Variants in CLSTN2 observed in about 807,000 individuals in gnomAD.
The protein encoded by CLSTN2 is calsyntenin 2, also known as calsyntenin-2.
In CLSTN2, 48 loss-of-function variants were observed where a neutral mutation model predicts 101.2. That is an observed-to-expected ratio of 0.47 (90% CI 0.38 to 0.60). The LOEUF (loss-of-function observed/expected upper bound fraction) is 0.60. CLSTN2 is among the 20% of genes least tolerant of loss of function. The probability of loss-of-function intolerance (pLI) is 0.00; values close to 1 mark genes in which losing one functional copy is unlikely to be tolerated. For missense variants in CLSTN2, 1,160 were observed against 1,238.2 expected (o/e 0.94, Z 0.95); for synonymous variants, 481 against 463.6 (o/e 1.04, Z -0.48).
At chr3:140,058,347 C>T (rs140053310) in intron 1 of CLSTN2, among the ~76,000 whole-genome samples, 1 of 152,178 alleles carries the variant, frequency 6.6e-6, no homozygotes, top group African/African-American at 2.4e-5. Context: ...TGATAGGTCA[C>T]CAGGATCTCA....
At chr3:140,005,545 A>G (rs2006937601) in intron 1 of CLSTN2, among the ~76,000 whole-genome samples, 1 of 152,158 alleles carries the variant, frequency 6.6e-6, no homozygotes, top group African/African-American at 2.4e-5. Flanking sequence ...GGCCTCAGTA[A>G]GCCTTTTACC....
chr3:140,565,278 A>C (rs1055042404), intron 16 of CLSTN2, among the ~76,000 whole-genome samples: 1 of 152,114 alleles, frequency 6.6e-6, no homozygotes, highest in Non-Finnish European at 1.5e-5. Flanking sequence ...GACCTTGAAG[A>C]GTGGGTAGGA....
rs1412210116 is a variant in CLSTN2, at chr3:140,558,810, T to C, written c.1994T>C (p.Val665Ala). The C allele has an allele frequency of 6.2e-7, 1 of 1,614,010 alleles. No homozygotes were observed. Among genetic ancestry groups the C allele is most frequent in the South Asian group, 1.1e-5 (1 of 91,078 alleles). ...GVTLFPDIKIVSTFAKTEAPG... is the reference protein window; with the variant it reads ...GVTLFPDIKIASTFAKTEAPG... ...ACCCTCTTCCCTGATATCAAGATTG[T>C]GAGCACCTTCGCCAAAACCGAAGCC... is the stretch of plus-strand genomic sequence containing the variant. Residue 665 changes from valine to alanine, a missense_variant, in exon 12 of 17, where the codon GTG becomes GCG. Coordinates refer to ENST00000458420, the MANE Select transcript of CLSTN2 (RefSeq NM_022131.3).
intron 2 of CLSTN2, among the ~76,000 whole-genome samples, chr3:140,326,218 C>T (rs1345319294): frequency 2.0e-5 from 3 of 152,176 alleles, no homozygotes; most frequent in Non-Finnish European, 4.4e-5. Context: ...TTTCCCCAAA[C>T]CATACTTTCC....
chr3:140,138,911 T>G (rs1191165157), intron 1 of CLSTN2, among the ~76,000 whole-genome samples: 1 of 152,204 alleles, frequency 6.6e-6, no homozygotes, highest in East Asian at 1.9e-4. Context: ...AGAAAGGCAG[T>G]GAAGTGCAGT....
rs138071294 is a variant in CLSTN2 at position 140,020,295 on chromosome 3, C to T, written c.109+84812C>T. On this transcript the variant is annotated intron_variant, in intron 1 of 16. Transcript: ENST00000458420. ...TGACTCTGTGAGAAGACCCTATGCT[C>T]AGGGGATGAAGTGTGTTGCTTGTGC... Among the ~76,000 whole-genome samples the T allele has an allele frequency of 1.0e-3, 157 of 152,286 alleles. 1 individual carries two copies. Among genetic ancestry groups the T allele is most frequent in the African/African-American group, 3.4e-3 (143 of 41,558 alleles).
rs1985488992 is a variant in CLSTN2 at position 140,570,360 on chromosome 3, T to A, written c.*4107T>A. ...CCTTGAACAATACAGTTTAACAGGA[T>A]TTACATAGCATTTACACTGTATTAG... On this transcript the variant is annotated 3_prime_UTR_variant, in exon 17 of 17. Transcript: ENST00000458420. The A allele has an allele frequency of 6.6e-6, 1 of 152,218 alleles. No homozygotes were observed. The highest frequency in any genetic ancestry group is 2.4e-5 in the African/African-American group (1 of 41,456). The allele number at this position is 152,218 out of a possible 1,614,324, so 9.4% of individuals were successfully genotyped here.
At chr3:140,313,124 G>A (rs1198347700) in intron 2 of CLSTN2, among the ~76,000 whole-genome samples, 1 of 152,156 alleles carries the variant, frequency 6.6e-6, no homozygotes, top group Non-Finnish European at 1.5e-5. Context: ...GACACTGCCT[G>A]TACTATCCAG....
chr3:140,316,439 C>T (rs1395353136), intron 2 of CLSTN2, among the ~76,000 whole-genome samples: 1 of 152,168 alleles, frequency 6.6e-6, no homozygotes, highest in Non-Finnish European at 1.5e-5. Context: ...TACAAGTAGG[C>T]ACCTGCTAAA....
At chr3:140,046,595 T>C (rs921320495) in intron 1 of CLSTN2, among the ~76,000 whole-genome samples, 6 of 152,184 alleles carry the variant, frequency 3.9e-5, no homozygotes, top group African/African-American at 1.4e-4. Context: ...GTTGATGCAG[T>C]TCCTTCCTAG....
rs570666127 is a variant in CLSTN2, at chr3:140,571,947, T to C, written c.*5694T>C. On this transcript the variant is annotated 3_prime_UTR_variant, in exon 17 of 17. Transcript: ENST00000458420. The stretch of plus-strand genomic sequence containing the variant: ...ACAGATGGGAGTCTGTGTTTGCAGC[T>C]ATGTTCAGTGTAATTCAGCAGACCT... 3.3e-5 allele frequency: 5 copies of C among 152,358 alleles called. No individual in the cohort carries two copies. Among genetic ancestry groups the C allele is most frequent in the Admixed American group, 2.0e-4 (3 of 15,300 alleles). 9.4% of individuals were successfully genotyped at this position (152,358 alleles called of 1,614,324 possible).
intron 2 of CLSTN2, among the ~76,000 whole-genome samples, chr3:140,371,471 T>C (rs2107957730): frequency 6.6e-6 from 1 of 152,246 alleles, no homozygotes; most frequent in African/African-American, 2.4e-5. Flanking sequence ...AACCCTGACC[T>C]TCCTCAGGGC....
intron 2 of CLSTN2, among the ~76,000 whole-genome samples, chr3:140,367,511 CAAAAAAAAAA>C (rs34398474): frequency 1.1e-4 from 11 of 96,838 alleles, no homozygotes; most frequent in African/African-American, 4.1e-4. Context: ...CACTTTGTCT[CAAAAAAAAAA>C]AAAAAAAAAA....
chr3:140,019,850 G>A (rs540126222), intron 1 of CLSTN2, among the ~76,000 whole-genome samples: 11 of 152,164 alleles, frequency 7.2e-5, no homozygotes, highest in Non-Finnish European at 1.6e-4. Context: ...CAGTTCATGA[G>A]AGTCAGAGTG....
At chr3:140,259,138 T>C (rs534621607) in intron 2 of CLSTN2, among the ~76,000 whole-genome samples, 6 of 147,528 alleles carry the variant, frequency 4.1e-5, no homozygotes, top group Non-Finnish European at 7.4e-5. Context: ...TTTTAATTTT[T>C]TTCTTTAAAT....
chr3:140,470,371 G>A (rs1028801905), intron 8 of CLSTN2, among the ~76,000 whole-genome samples: 8 of 152,260 alleles, frequency 5.3e-5, no homozygotes, highest in African/African-American at 1.9e-4. Flanking sequence ...CCATGCAGGG[G>A]CACCTGGGGC....
intron 6 of CLSTN2, chr3:140,449,912 G>C (rs897232067): frequency 1.3e-5 from 2 of 152,306 alleles, no homozygotes; most frequent in African/African-American, 4.8e-5. Context: ...CTTGGGGTGA[G>C]GGTGACGGTA....
At chr3:140,100,466 G>A (rs563384459) in intron 1 of CLSTN2, among the ~76,000 whole-genome samples, 1 of 152,268 alleles carries the variant, frequency 6.6e-6, no homozygotes, top group South Asian at 2.1e-4. Flanking sequence ...TTAAAATGTT[G>A]CGTTCAGCAT....
intron 2 of CLSTN2, among the ~76,000 whole-genome samples, chr3:140,350,756 CT>C (rs1291847686): frequency 6.6e-6 from 1 of 152,148 alleles, no homozygotes; most frequent in Non-Finnish European, 1.5e-5. Flanking sequence ...GATTTTCTGC[CT>C]TTGACCCCAG....
Sources: allele counts gnomAD v4.1 joint callset (sites outside exome capture counted in the v4.1 genomes callset), GRCh38; gene constraint gnomAD v4.1.1; transcripts MANE v1.5; gene names NCBI Gene and HGNC (gene_info 2026-07-23, HGNC 2026-07-21).